Variants in ESCO1 observed in about 807,000 individuals in gnomAD.
ESCO1 encodes the protein N-acetyltransferase ESCO1.
A neutral mutation model predicts 83.5 loss-of-function variants in ESCO1; 33 were observed. That is an observed-to-expected ratio of 0.40 (90% CI 0.30 to 0.53). The LOEUF (loss-of-function observed/expected upper bound fraction) is 0.53. Among genes scored for constraint, ESCO1 ranks in the 20% least tolerant of loss-of-function variants. ESCO1 has a pLI of 0.63. For missense variants in ESCO1, 855 were observed against 968.0 expected (o/e 0.88, Z 1.55); for synonymous variants, 332 against 324.3 (o/e 1.02, Z -0.25).
At chr18:21,594,556 T>C (rs992799899) in intron 1 of ESCO1, among the ~76,000 whole-genome samples, 3 of 151,994 alleles carry the variant, frequency 2.0e-5, no homozygotes, top group Non-Finnish European at 4.4e-5. Context: ...ATACAAAAAT[T>C]AGCCAGGCGT....
intron 1 of ESCO1, among the ~76,000 whole-genome samples, chr18:21,588,031 C>T (rs937439380): frequency 4.0e-5 from 6 of 150,736 alleles, no homozygotes; most frequent in African/African-American, 1.5e-4. Context: ...TGAGCCTAGA[C>T]TGTGCTATGA....
chr18:21,589,166 G>A (rs1238493331), intron 1 of ESCO1, among the ~76,000 whole-genome samples: 2 of 151,372 alleles, frequency 1.3e-5, no homozygotes, highest in African/African-American at 2.4e-5. Flanking sequence ...TTGAACCTGG[G>A]AGGTAGAGGA....
At chr18:21,559,821 T>C (rs746881964) in intron 8 of ESCO1, among the ~76,000 whole-genome samples, 3 of 151,954 alleles carry the variant, frequency 2.0e-5, no homozygotes, top group Non-Finnish European at 4.4e-5. Flanking sequence ...TAGGAGAGAG[T>C]GTGTGGAGAA....
chr18:21,586,334 T>C (rs1038808548), intron 1 of ESCO1, among the ~76,000 whole-genome samples: 2 of 152,236 alleles, frequency 1.3e-5, no homozygotes, highest in African/African-American at 4.8e-5. Flanking sequence ...TCCAGTTTTA[T>C]CCATGTTGCT....
chr18:21,596,615 C>T (rs2038770842), intron 1 of ESCO1, among the ~76,000 whole-genome samples: 2 of 151,948 alleles, frequency 1.3e-5, no homozygotes, highest in South Asian at 2.1e-4. Context: ...GGGGGATCAC[C>T]TGAGGTCAGG....
chr18:21,574,245 G>A lies in ESCO1; in HGVS notation c.599C>T (p.Ser200Phe). ...TACCTTGCGTTTTTTCCCTTTGGGA[G>A]AATTTATTACTTCATTAATTACTAG... The part of the protein sequence containing the change: ...ENLVINEVIN[S>F]PKGKKRKVEH... Residue 200 changes from serine to phenylalanine, a missense_variant, in exon 4 of 12, where the codon TCT (serine) becomes TTT (phenylalanine). Around this residue, in one of 2 missense-constraint regions of ESCO1, gnomAD observed 726 missense variants for 699.5 expected, o/e 1.04. Coordinates refer to ENST00000269214, the MANE Select transcript of ESCO1 (RefSeq NM_052911.3). 1.9e-6 allele frequency: 3 copies of A among 1,613,754 alleles called. No individual in the cohort carries two copies. Among genetic ancestry groups the A allele is most frequent in the Non-Finnish European group, 2.5e-6 (3 of 1,179,992 alleles).
intron 5 of ESCO1, 137 bp downstream of exon 5, chr18:21,567,843 G>A (rs879751228): frequency 1.6e-5 from 10 of 617,662 alleles, no homozygotes; most frequent in East Asian, 2.9e-5. Flanking sequence ...TGATAGTCAT[G>A]ATAATCACAT....
Position 21,573,832 on chromosome 18 carries a change from C to T in ESCO1, c.1012G>A (p.Glu338Lys), listed in dbSNP as rs779341066. 2 of 1,613,780 alleles carry T rather than the reference C, an allele frequency of 1.2e-6. No homozygotes were observed. Among genetic ancestry groups the T allele is most frequent in the African/African-American group, 2.7e-5 (2 of 74,856 alleles). ...ACACTGGTCTCTTCCAATTTTATTT[C>T]TGTGGGCTTTTCTTCCTTTACACTT... ...MESVKEEKPT[E>K]IKLEETSVER... Residue 338 changes from glutamate to lysine, a missense_variant, in exon 4 of 12, where the codon GAA (glutamate) becomes AAA (lysine). Glu to Lys is a moderately conservative substitution (Grantham distance 56, BLOSUM62 1). Coordinates refer to ENST00000269214, the MANE Select transcript of ESCO1 (RefSeq NM_052911.3).
chr18:21,557,125 C>T (rs2038123766), intron 8 of ESCO1, among the ~76,000 whole-genome samples: 1 of 152,168 alleles, frequency 6.6e-6, no homozygotes, highest in Admixed American at 6.5e-5. Flanking sequence ...AATATTACTT[C>T]TCTCCCTACA....
intron 4 of ESCO1, among the ~76,000 whole-genome samples, chr18:21,570,283 G>C (rs1299681945): frequency 3.3e-5 from 5 of 152,046 alleles, no homozygotes; most frequent in Admixed American, 3.3e-4. Flanking sequence ...TTATTTTGTA[G>C]AGAGGGAGTC....
At chr18:21,594,592 T>G (rs1364297252) in intron 1 of ESCO1, among the ~76,000 whole-genome samples, 5 of 151,876 alleles carry the variant, frequency 3.3e-5, no homozygotes, top group Non-Finnish European at 7.4e-5. Context: ...TAGTCCCAGC[T>G]ACTCGGGAGG....
At chr18:21,560,231 C>T (rs992838510) in intron 8 of ESCO1, among the ~76,000 whole-genome samples, 2 of 151,694 alleles carry the variant, frequency 1.3e-5, no homozygotes, top group African/African-American at 4.8e-5. Context: ...AAAAATTTTG[C>T]TATTTCCACA....
intron 8 of ESCO1, among the ~76,000 whole-genome samples, chr18:21,544,979 A>G (rs1196537912): frequency 6.6e-6 from 1 of 152,262 alleles, no homozygotes; most frequent in East Asian, 1.9e-4. Flanking sequence ...GTGATAAAGC[A>G]GTGACTGTAA....
At position 21,570,134 on chromosome 18, in the gene ESCO1, G is replaced by A. The variant is rs180758098; in HGVS notation, c.1531-2040C>T. ...TTCTTTTGAGATAGAGTCTCACTCT[G>A]TCACCCAGGCTGGAATGCAGTGAAA... On this transcript the variant is annotated intron_variant, in intron 4 of 11. Transcript: ENST00000269214. 1.9e-3 allele frequency among the ~76,000 whole-genome samples: 289 copies of A among 152,270 alleles called. 1 individual carries two copies. The highest frequency in any genetic ancestry group is 0.011 in the South Asian group (51 of 4,822).
intron 8 of ESCO1, among the ~76,000 whole-genome samples, chr18:21,543,293 C>T (rs1339443877): frequency 2.0e-5 from 3 of 152,102 alleles, no homozygotes; most frequent in Admixed American, 1.3e-4. Context: ...TAGTTGGGAT[C>T]ACAGGCATGT....
intron 2 of ESCO1, among the ~76,000 whole-genome samples, chr18:21,583,881 A>G (rs2038537728): frequency 6.6e-6 from 1 of 152,212 alleles, no homozygotes; most frequent in Admixed American, 6.5e-5. Context: ...TGCTTTAATA[A>G]AGCTGTCCAA....
At chr18:21,556,763 C>T (rs910115032) in intron 8 of ESCO1, among the ~76,000 whole-genome samples, 1 of 152,054 alleles carries the variant, frequency 6.6e-6, no homozygotes, top group East Asian at 1.9e-4. Flanking sequence ...TACAGTGGCA[C>T]GATCTCGGCT....
chr18:21,549,801 T>C (rs1008774740), intron 8 of ESCO1, among the ~76,000 whole-genome samples: 14 of 151,842 alleles, frequency 9.2e-5, no homozygotes, highest in African/African-American at 3.4e-4. Context: ...ACCCTGTCTC[T>C]ACTAAAAATA....
Position 21,530,401 on chromosome 18 carries a change from T to C in ESCO1, c.2465A>G (p.Tyr822Cys). The change falls in exon 12 of 12, where the codon TAC (tyrosine) becomes TGC (cysteine). Residue 822 changes from tyrosine to cysteine, a missense_variant. Coordinates refer to ENST00000269214, the MANE Select transcript of ESCO1 (RefSeq NM_052911.3). Reference sequence around the variant, plus strand: ...TACCAGAAATTGACCAGTGCCACAGTACTGTGTTGCAAACAGCTTTCCATC... The same window carrying C: ...TACCAGAAATTGACCAGTGCCACAGCACTGTGTTGCAAACAGCTTTCCATC... ...TPDGKLFATQ[Y>C]CGTGQFLVYN... The C allele has an allele frequency of 6.2e-7, 1 of 1,610,112 alleles. No homozygotes were observed. Among genetic ancestry groups the C allele is most frequent in the Non-Finnish European group, 8.5e-7 (1 of 1,179,282 alleles).
Sources: allele counts gnomAD v4.1 joint callset (sites outside exome capture counted in the v4.1 genomes callset), GRCh38; gene constraint gnomAD v4.1.1; regional missense constraint gnomAD v4.1.1; transcripts MANE v1.5; gene names NCBI Gene and HGNC (gene_info 2026-07-23, HGNC 2026-07-21).